Variants in CHL1 observed in about 807,000 individuals in gnomAD.
CHL1 encodes neural cell adhesion molecule L1-like protein.
CHL1 carries 96 observed loss-of-function variants against 141.9 expected under a neutral mutation model. The observed-to-expected ratio is 0.68, with a 90% confidence interval of 0.57 to 0.80. The LOEUF (loss-of-function observed/expected upper bound fraction) is 0.80. CHL1 is among the 30% of genes least tolerant of loss of function. The pLI, the probability that CHL1 is intolerant of heterozygous loss-of-function variation, is 0.00. For missense variants in CHL1, 1,820 were observed against 1,457.2 expected (o/e 1.25, Z -4.05); for synonymous variants, 613 against 502.2 (o/e 1.22, Z -2.95).
At chr3:251,734 G>C (rs149504120) in intron 2 of CHL1, among the ~76,000 whole-genome samples, 237 of 152,176 alleles carry the variant, frequency 1.6e-3, no homozygotes, top group African/African-American at 5.4e-3. Context: ...TTTTAAAAGA[G>C]GCATAATTCC....
chr3:290,520 A>G (rs1184157441), intron 2 of CHL1, among the ~76,000 whole-genome samples: 1 of 152,128 alleles, frequency 6.6e-6, no homozygotes, highest in Non-Finnish European at 1.5e-5. Flanking sequence ...ATTTTCTTCC[A>G]TCTCTTGATT....
At chr3:257,839 G>A (rs2125174207) in intron 2 of CHL1, among the ~76,000 whole-genome samples, 1 of 152,262 alleles carries the variant, frequency 6.6e-6, no homozygotes, top group Middle Eastern at 3.4e-3. Flanking sequence ...TTACAAATAA[G>A]TGCAAGTAGC....
chr3:280,345 T>C (rs1275196639), intron 2 of CHL1, among the ~76,000 whole-genome samples: 1 of 152,116 alleles, frequency 6.6e-6, no homozygotes, highest in African/African-American at 2.4e-5. Context: ...ACAAAGTATG[T>C]CAAGAAAATT....
intron 11 of CHL1, among the ~76,000 whole-genome samples, chr3:359,032 C>T (rs1226911127): frequency 6.8e-6 from 1 of 146,266 alleles, no homozygotes; most frequent in African/African-American, 2.5e-5. Context: ...ATATTTATAT[C>T]TATATATATA....
chr3:222,242 C>T (rs544196369), intron 1 of CHL1, among the ~76,000 whole-genome samples: 18 of 152,288 alleles, frequency 1.2e-4, no homozygotes, highest in Middle Eastern at 3.4e-3. Flanking sequence ...CTGTACCTTT[C>T]TAGAAGCTCT....
intron 2 of CHL1, among the ~76,000 whole-genome samples, chr3:257,495 A>C (rs1047769459): frequency 2.0e-5 from 3 of 151,960 alleles, no homozygotes; most frequent in African/African-American, 7.3e-5. Context: ...CTGGGATTAC[A>C]GGTGCCTGCC....
chr3:374,033 C>T (rs908719330), intron 15 of CHL1: 1 of 152,118 alleles, frequency 6.6e-6, no homozygotes, highest in Admixed American at 6.6e-5. Context: ...GTTTCTAGTT[C>T]GCTATCTTGG....
At chr3:354,823 G>C in intron 11 of CHL1, 52 bp downstream of exon 11, 1 of 1,602,254 alleles carries the variant, frequency 6.2e-7, no homozygotes. Context: ...GGTTTGACGG[G>C]ATTAATGATG....
chr3:383,419 C>G (rs1333642072), intron 18 of CHL1, among the ~76,000 whole-genome samples: 1 of 152,082 alleles, frequency 6.6e-6, no homozygotes, highest in African/African-American at 2.4e-5. Context: ...TATTCTTCTA[C>G]AGGCAAATAT....
At chr3:373,252 AG>A (rs1241594910) in intron 15 of CHL1, among the ~76,000 whole-genome samples, 7 of 152,204 alleles carry the variant, frequency 4.6e-5, no homozygotes, top group African/African-American at 1.7e-4. Context: ...CCCTCCCCCT[AG>A]GGGCTCAGGC....
chr3:394,607 C>A, intron 23 of CHL1, 86 bp from the exon 24 acceptor site: 1 of 964,658 alleles, frequency 1.0e-6, no homozygotes, highest in Non-Finnish European at 1.6e-6. Flanking sequence ...TTACGTACCA[C>A]AAGCATAAGG....
At chr3:397,616 A>C in intron 24 of CHL1, among the ~76,000 whole-genome samples, 1 of 152,052 alleles carries the variant, frequency 6.6e-6, no homozygotes. Flanking sequence ...ATGAGATTCT[A>C]CTATTAACAT....
At chr3:383,676 T>C (rs1707329503) in intron 18 of CHL1, 140 bp from the exon 19 acceptor site, 1 of 517,082 alleles carries the variant, frequency 1.9e-6, no homozygotes, top group South Asian at 3.0e-5. Context: ...TAAATCTTTT[T>C]AGGAACTGGA....
chr3:307,869 G>C (rs373619520), intron 2 of CHL1, among the ~76,000 whole-genome samples: 2 of 152,154 alleles, frequency 1.3e-5, no homozygotes, highest in East Asian at 1.9e-4. Context: ...AAATTCAGTA[G>C]CCTCTACATT....
intron 23 of CHL1, among the ~76,000 whole-genome samples, chr3:393,343 A>G (rs1213341163): frequency 6.6e-6 from 1 of 151,994 alleles, no homozygotes; most frequent in African/African-American, 2.4e-5. Context: ...AATTGTAAGA[A>G]CTGCAGAAAT....
chr3:227,088 T>G (rs1415513396), intron 1 of CHL1, among the ~76,000 whole-genome samples: 1 of 152,154 alleles, frequency 6.6e-6, no homozygotes, highest in Non-Finnish European at 1.5e-5. Flanking sequence ...TTTCAACAGG[T>G]TTAAGAAGCG....
At chr3:279,503 A>G (rs935287359) in intron 2 of CHL1, among the ~76,000 whole-genome samples, 2 of 152,158 alleles carry the variant, frequency 1.3e-5, no homozygotes, top group Non-Finnish European at 2.9e-5. Flanking sequence ...TACCAAGTCT[A>G]GGGAACAAAT....
At chr3:276,399 A>G (rs1405778523) in intron 2 of CHL1, among the ~76,000 whole-genome samples, 1 of 152,126 alleles carries the variant, frequency 6.6e-6, no homozygotes, top group African/African-American at 2.4e-5. Flanking sequence ...GAAACTGCAG[A>G]GTTTAGCCTG....
intron 2 of CHL1, among the ~76,000 whole-genome samples, chr3:273,780 G>A (rs1358060500): frequency 6.6e-6 from 1 of 152,056 alleles, no homozygotes; most frequent in Non-Finnish European, 1.5e-5. Flanking sequence ...GTGGTAGGAT[G>A]GTAATATGCC....
Sources: gnomAD v4.1 joint callset for allele counts (sites outside exome capture counted in the v4.1 genomes callset) on GRCh38, gnomAD v4.1.1 for gene constraint, MANE v1.5 for transcripts, NCBI Gene and HGNC (gene_info 2026-07-23, HGNC 2026-07-21) for gene names.